FLT1: variants seen among roughly 807,000 people sequenced by gnomAD.
The protein encoded by FLT1 is fms related receptor tyrosine kinase 1.
Under a neutral mutation model 156.3 loss-of-function variants are expected in FLT1, and 49 were observed. The ratio of observed to expected loss-of-function variants is 0.31; its 90% CI spans 0.25 to 0.40. FLT1 has a LOEUF of 0.40. Among genes scored for constraint, FLT1 ranks in the 10% least tolerant of loss-of-function variants. The probability of loss-of-function intolerance (pLI) is 1.00; values close to 1 mark genes in which losing one functional copy is unlikely to be tolerated. For synonymous variants in FLT1, 594 were observed against 583.8 expected (o/e 1.02, Z -0.25); for missense variants, 1,322 against 1,637.2 (o/e 0.81, Z 3.32).
At position 28,430,109 on chromosome 13, in the gene FLT1, G is replaced by T. The variant is rs1464619463; in HGVS notation, c.1047C>A (p.Gly349=). 1 of 1,613,926 alleles carries T rather than the reference G, an allele frequency of 6.2e-7. No homozygotes were observed. ...TCATAGAGAGCCGGTAAGACCGCTT[G>T]CCAGCTACGGTTTCAAGCACCTGCT... The part of the protein sequence containing the change: ...RKQQVLETVA[G]KRSYRLSMKV... Residue 349 remains glycine (G), a synonymous_variant, in exon 8 of 30, where the codon GGC becomes GGA. Coordinates refer to ENST00000282397, the MANE Select transcript of FLT1 (RefSeq NM_002019.4).
intron 1 of FLT1, among the ~76,000 whole-genome samples, chr13:28,487,473 G>C (rs571165675): frequency 2.6e-5 from 4 of 152,350 alleles, no homozygotes; most frequent in Non-Finnish European, 5.9e-5. Context: ...TCGGTGGCTT[G>C]AGAGGAAATC....
intron 28 of FLT1, among the ~76,000 whole-genome samples, chr13:28,307,954 AG>A (rs1489771854): frequency 1.3e-5 from 2 of 152,140 alleles, no homozygotes; most frequent in Non-Finnish European, 2.9e-5. Flanking sequence ...TTGTGTTTTT[AG>A]TAGAGACTGG....
In FLT1 at chr13:28,312,112, C is replaced by T. The variant is rs1871031567; in HGVS notation, c.3387-14G>A. 1 of 1,528,456 alleles carries T rather than the reference C, an allele frequency of 6.5e-7. No individual in the cohort carries two copies. Among genetic ancestry groups the T allele is most frequent in the South Asian group, 1.1e-5 (1 of 89,306 alleles). The allele number at this position is 1,528,456 out of a possible 1,614,324, so 94.7% of individuals were successfully genotyped here. ...ATGATCTGATAGCTGGTGGGGAAAA[C>T]AGCAACAGAAATAGTTGGAGAGCAG... On this transcript the variant is annotated splice_polypyrimidine_tract_variant and intron_variant, in intron 25 of 29. Coordinates refer to ENST00000282397, the MANE Select transcript of FLT1 (RefSeq NM_002019.4).
At chr13:28,365,563 GC>G (rs1873261345) in intron 14 of FLT1, among the ~76,000 whole-genome samples, 1 of 152,138 alleles carries the variant, frequency 6.6e-6, no homozygotes, top group East Asian at 1.9e-4. Context: ...TGTTGGCCAG[GC>G]TGGTCTCGAA....
intron 28 of FLT1, 119 bp downstream of exon 28, chr13:28,308,724 A>G (rs1566278078): frequency 4.1e-6 from 3 of 737,506 alleles, no homozygotes; most frequent in East Asian, 5.3e-5. Flanking sequence ...CATTTCAGCC[A>G]CTCCTGAATC....
chr13:28,387,703 CTT>C, intron 13 of FLT1: 1 of 913,702 alleles, frequency 1.1e-6, no homozygotes, highest in African/African-American at 1.8e-5. Context: ...CTTTTTTCTC[CTT>C]TTTTTTTTCT....
chr13:28,360,218 A>T (rs1165987216), intron 14 of FLT1, among the ~76,000 whole-genome samples: 1 of 152,214 alleles, frequency 6.6e-6, no homozygotes, highest in African/African-American at 2.4e-5. Context: ...AAAGAAGGGA[A>T]CCCTTATACA....
chr13:28,356,747 G>C (rs1470731978), intron 15 of FLT1, among the ~76,000 whole-genome samples: 1 of 152,178 alleles, frequency 6.6e-6, no homozygotes, highest in Non-Finnish European at 1.5e-5. Context: ...TTGGAAATAG[G>C]CTACTGAACA....
intron 24 of FLT1, 47 bp downstream of exon 24, chr13:28,319,376 G>T: frequency 8.2e-7 from 1 of 1,216,878 alleles, no homozygotes. Context: ...AGAAGATGCA[G>T]ACATTTATTT....
intron 15 of FLT1, among the ~76,000 whole-genome samples, chr13:28,346,827 G>T (rs1398049323): frequency 6.6e-6 from 1 of 152,110 alleles, no homozygotes; most frequent in African/African-American, 2.4e-5. Context: ...GATCTAATTT[G>T]CTGAGCACTT....
At chr13:28,349,734 C>T (rs999183800) in intron 15 of FLT1, among the ~76,000 whole-genome samples, 29 of 152,258 alleles carry the variant, frequency 1.9e-4, no homozygotes, top group African/African-American at 7.0e-4. Context: ...ATTCCACAGT[C>T]CTTACTCAAG....
intron 1 of FLT1, among the ~76,000 whole-genome samples, chr13:28,472,777 T>C (rs548521819): frequency 1.1e-4 from 16 of 152,360 alleles, no homozygotes; most frequent in African/African-American, 2.9e-4. Context: ...ATTCTTCATC[T>C]GTCAACACAG....
chr13:28,345,548 G>T lies in FLT1; in HGVS notation c.2252C>A (p.Thr751Asn). 1 of 1,595,630 alleles carries T rather than the reference G, an allele frequency of 6.3e-7. No individual in the cohort carries two copies. Among genetic ancestry groups the T allele is most frequent in the Non-Finnish European group, 8.6e-7 (1 of 1,165,048 alleles). The change falls in exon 16 of 30, where the codon ACC becomes AAC. Residue 751 changes from threonine to asparagine, a missense_variant. Physicochemically the swap from Thr to Asn is moderately conservative, Grantham distance 65. This residue lies in a region of FLT1 where 991 missense variants were observed against 1,254.8 expected (regional missense o/e 0.79). Transcript: ENST00000282397. Reference protein sequence around the residue: ...ESSAYLTVQGTSDKSNLELIT... With the variant: ...ESSAYLTVQGNSDKSNLELIT... ...CAGCTCCAGATTAGACTTGTCCGAG[G>T]TTCCTGGAGAGAAAAAAAATCACAA...
chr13:28,438,428 TAGGC>T, intron 3 of FLT1, 83 bp from the exon 4 acceptor site: 1 of 1,040,834 alleles, frequency 9.6e-7, no homozygotes, highest in Non-Finnish European at 1.5e-6. Context: ...TGTGGTATGG[TAGGC>T]ATTGCCACAG....
At chr13:28,363,994 G>T (rs1248999829) in intron 14 of FLT1, among the ~76,000 whole-genome samples, 1 of 152,102 alleles carries the variant, frequency 6.6e-6, no homozygotes, top group African/African-American at 2.4e-5. Flanking sequence ...TACTAGCTAG[G>T]TGAAATATTT....
In FLT1 at chr13:28,366,944, C is replaced by T. The variant is rs1873320980; in HGVS notation, c.2117-9259G>A. On this transcript the variant is annotated intron_variant, in intron 14 of 29. Transcript: ENST00000282397. The stretch of plus-strand genomic sequence containing the variant: ...TCTAACTTATTCATTCTTGAGTCCC[C>T]AGTGTCTAGTGCAGGCCGATAGACA... Among the ~76,000 whole-genome samples the T allele has an allele frequency of 3.3e-5, 5 of 152,208 alleles. No individual in the cohort carries two copies. In the South Asian group the frequency reaches 1.0e-3, roughly 32 times the overall value.
At chr13:28,325,207 G>T (rs1016127056) in intron 20 of FLT1, among the ~76,000 whole-genome samples, 1 of 152,160 alleles carries the variant, frequency 6.6e-6, no homozygotes, top group South Asian at 2.1e-4. Flanking sequence ...GTTCCATCCT[G>T]CCCAGGTCCC....
chr13:28,388,412 C>T (rs1460300431), intron 13 of FLT1: 1 of 1,055,906 alleles, frequency 9.5e-7, no homozygotes, highest in South Asian at 4.6e-5. Flanking sequence ...TTGAACTGCC[C>T]AGCCACTGTG....
Position 28,430,031 on chromosome 13 carries a change from G to A in FLT1, c.1106+19C>T. ...ACAAAGTATGTCTTAAACTGTTATG[G>A]AAATAAGGATGGTCCTACCATACAA... On this transcript the variant is annotated intron_variant, in intron 8 of 29. Transcript: ENST00000282397. The A allele has an allele frequency of 6.8e-7, 1 of 1,470,896 alleles. No homozygotes were observed. Among genetic ancestry groups the A allele is most frequent in the Non-Finnish European group, 9.5e-7 (1 of 1,049,072 alleles). 91.1% of individuals were successfully genotyped at this position (1,470,896 alleles called of 1,614,324 possible).
Sources: allele counts gnomAD v4.1 joint callset (sites outside exome capture counted in the v4.1 genomes callset), GRCh38; gene constraint gnomAD v4.1.1; regional missense constraint gnomAD v4.1.1; transcripts MANE v1.5; gene names NCBI Gene and HGNC (gene_info 2026-07-23, HGNC 2026-07-21).